The following EPHA7 variants were observed in gnomAD, a reference collection of about 807,000 sequenced individuals.
The protein encoded by EPHA7 is EPH receptor A7.
In EPHA7, 25 loss-of-function variants were observed where a neutral mutation model predicts 112.6. The ratio of observed to expected loss-of-function variants is 0.22; its 90% CI spans 0.16 to 0.31. EPHA7 has a LOEUF of 0.31. Among genes scored for constraint, EPHA7 ranks in the 10% least tolerant of loss-of-function variants. The pLI is 1.00. For missense variants in EPHA7, 962 were observed against 1,212.6 expected (o/e 0.79, Z 3.07); for synonymous variants, 437 against 406.5 (o/e 1.07, Z -0.90).
At position 93,269,607 on chromosome 6, in the gene EPHA7, G is replaced by A. The variant is rs1771111235; in HGVS notation, c.1503C>T (p.Ser501=). 2 of 1,598,886 alleles carry A rather than the reference G, an allele frequency of 1.3e-6. No homozygotes were observed. Among genetic ancestry groups the A allele is most frequent in the African/African-American group, 1.4e-5 (1 of 73,466 alleles). The change falls in exon 7 of 17, where the codon TCC becomes TCT. Residue 501 remains serine (S), a synonymous_variant. Transcript: ENST00000369303. ...STVKTKSTSA[S]INNLKPGTVY... ...CTGTTCCTGGTTTCAGATTATTAAT[G>A]GAGGCTGAAGTAGACTTGGTTTTTA... is the stretch of plus-strand genomic sequence containing the variant.
intron 5 of EPHA7, among the ~76,000 whole-genome samples, chr6:93,322,692 A>G (rs164303): frequency 0.36 from 53,939 of 151,314 alleles, 10,037 homozygotes; most frequent in African/African-American, 0.46. Flanking sequence ...TATACCTTCA[A>G]AATTAGGACC....
chr6:93,352,405 T>C lies in EPHA7; in HGVS notation c.1324+4312A>G, dbSNP rs530798609. Among the ~76,000 whole-genome samples, 27 of 152,236 alleles carry C rather than the reference T, an allele frequency of 1.8e-4. 1 individual carries two copies. The South Asian group carries it at 5.6e-3, about 32-fold the overall frequency. ...TGATTACAGAAAAGGGGTAGTATTC[T>C]TCAGGGCCTAGAATAGGATTTACTT... On this transcript the variant is annotated intron_variant, in intron 5 of 16. Coordinates refer to ENST00000369303, the MANE Select transcript of EPHA7 (RefSeq NM_004440.4).
chr6:93,360,514 G>C (rs1180315142), intron 3 of EPHA7, among the ~76,000 whole-genome samples: 2 of 151,986 alleles, frequency 1.3e-5, no homozygotes, highest in African/African-American at 4.8e-5. Context: ...GGAGGTTATG[G>C]GGGGACAATG....
chr6:93,258,344 G>A, intron 10 of EPHA7, 60 bp from the exon 11 acceptor site: 1 of 1,400,118 alleles, frequency 7.1e-7, no homozygotes, highest in Non-Finnish European at 9.6e-7. Context: ...TTTCTTTTAA[G>A]AGTAAATGCG....
rs1341347143 is a variant in EPHA7, at chr6:93,410,234, C to T, written c.832+267G>A. The stretch of plus-strand genomic sequence containing the variant: ...CTCCTCTCTAAACTCCATAGCCCAA[C>T]GTGCAACTATTGACTTCCATGTTAA... On this transcript the variant is annotated intron_variant, in intron 3 of 16. Transcript: ENST00000369303. The surrounding 1 kb of genome is among the most constrained non-coding windows in gnomAD (Gnocchi z 4.0). 1.3e-5 allele frequency: 5 copies of T among 384,342 alleles called. No individual in the cohort carries two copies. The highest frequency in any genetic ancestry group is 9.1e-5 in the East Asian group (2 of 22,014). 23.8% of individuals were successfully genotyped at this position (384,342 alleles called of 1,614,324 possible).
At chr6:93,302,167 C>T (rs1193145883) in intron 5 of EPHA7, among the ~76,000 whole-genome samples, 1 of 152,108 alleles carries the variant, frequency 6.6e-6, no homozygotes, top group Non-Finnish European at 1.5e-5. Context: ...AGCTATAATG[C>T]TTATGTCAAC....
chr6:93,314,925 C>G (rs1342268667), intron 5 of EPHA7, among the ~76,000 whole-genome samples: 3 of 137,250 alleles, frequency 2.2e-5, no homozygotes, highest in Non-Finnish European at 3.0e-5. Context: ...TGCAGTGGCG[C>G]GATCTCGGCT....
At chr6:93,351,223 A>G (rs1487716235) in intron 5 of EPHA7, among the ~76,000 whole-genome samples, 1 of 152,042 alleles carries the variant, frequency 6.6e-6, no homozygotes, top group Non-Finnish European at 1.5e-5. Context: ...ACTGTCACCT[A>G]GGGACAACCT....
chr6:93,345,513 G>A (rs956499519), intron 5 of EPHA7, among the ~76,000 whole-genome samples: 1 of 151,614 alleles, frequency 6.6e-6, no homozygotes, highest in Admixed American at 6.6e-5. Context: ...GACTAATTTT[G>A]TTAAGGCTGC....
At chr6:93,375,389 G>A (rs1397863302) in intron 3 of EPHA7, among the ~76,000 whole-genome samples, 1 of 151,976 alleles carries the variant, frequency 6.6e-6, no homozygotes, top group Non-Finnish European at 1.5e-5. Flanking sequence ...GCCAAGGTGG[G>A]CAGATGGCTT....
intron 5 of EPHA7, among the ~76,000 whole-genome samples, chr6:93,275,310 C>T (rs937880417): frequency 5.9e-5 from 9 of 151,514 alleles, no homozygotes. Flanking sequence ...AATAAAGTTC[C>T]AAATTGAAAG....
At chr6:93,335,327 C>T (rs1285641399) in intron 5 of EPHA7, among the ~76,000 whole-genome samples, 1 of 151,998 alleles carries the variant, frequency 6.6e-6, no homozygotes, top group Non-Finnish European at 1.5e-5. Flanking sequence ...AAAACATAAT[C>T]ATCAACATAT....
chr6:93,296,571 G>T (rs897197051), intron 5 of EPHA7, among the ~76,000 whole-genome samples: 2 of 150,716 alleles, frequency 1.3e-5, no homozygotes, highest in South Asian at 2.1e-4. Flanking sequence ...AGGATATTAC[G>T]CTAGGAGAAA....
At position 93,336,020 on chromosome 6, in the gene EPHA7, T is replaced by C. The variant is rs558598147; in HGVS notation, c.1324+20697A>G. ...ACTATCCTTGGTACCCAAAACATATTGGATAATGTTTCATTATAATTGATG... is the reference window on the plus strand; with the variant it reads ...ACTATCCTTGGTACCCAAAACATATCGGATAATGTTTCATTATAATTGATG... On this transcript the variant is annotated intron_variant, in intron 5 of 16. Coordinates refer to ENST00000369303, the MANE Select transcript of EPHA7 (RefSeq NM_004440.4). Among the ~76,000 whole-genome samples the C allele has an allele frequency of 1.1e-4, 16 of 152,228 alleles. No homozygotes were observed. The East Asian group carries it at 2.9e-3, about 28-fold the overall frequency.
At chr6:93,283,259 G>T (rs1771863912) in intron 5 of EPHA7, among the ~76,000 whole-genome samples, 1 of 152,114 alleles carries the variant, frequency 6.6e-6, no homozygotes, top group Non-Finnish European at 1.5e-5. Context: ...GAGAACTTTT[G>T]TGTCTAGCTC....
chr6:93,357,093 GAA>G (rs200823814), intron 4 of EPHA7, 41 bp from the exon 5 acceptor site: 1 of 1,422,236 alleles, frequency 7.0e-7, no homozygotes, highest in Non-Finnish European at 9.5e-7. Context: ...AGCAAAAATA[GAA>G]AAAAAAACAT....
chr6:93,312,005 C>T (rs1321368849), intron 5 of EPHA7, among the ~76,000 whole-genome samples: 1 of 152,136 alleles, frequency 6.6e-6, no homozygotes, highest in Non-Finnish European at 1.5e-5. Context: ...TTAAAACATT[C>T]AGTAAGCCAT....
At chr6:93,354,431 CTTTA>C (rs1470013404) in intron 5 of EPHA7, among the ~76,000 whole-genome samples, 6 of 151,846 alleles carry the variant, frequency 4.0e-5, no homozygotes, top group African/African-American at 1.4e-4. Context: ...GTTTTTTAAC[CTTTA>C]TTTATGTTTA....
At chr6:93,411,318 C>T (rs537125036) in intron 2 of EPHA7, 148 bp from the exon 3 acceptor site, 4 of 647,962 alleles carry the variant, frequency 6.2e-6, no homozygotes, top group South Asian at 6.1e-5. Flanking sequence ...ATGTAAGATT[C>T]CAGGTTCTGC....
Sources: gnomAD v4.1 joint callset for allele counts (sites outside exome capture counted in the v4.1 genomes callset) on GRCh38, gnomAD v4.1.1 for gene constraint, Gnocchi (gnomAD v3.1) non-coding constraint, MANE v1.5 for transcripts, NCBI Gene and HGNC (gene_info 2026-07-23, HGNC 2026-07-21) for gene names.